The following FAM83D variants were observed in gnomAD, a reference collection of about 807,000 sequenced individuals.
The protein encoded by FAM83D is scaffolding CK1 anchoring protein D.
A neutral mutation model predicts 25.4 loss-of-function variants in FAM83D; 26 were observed. That is an observed-to-expected ratio of 1.02 (90% CI 0.75 to 1.42). The LOEUF (loss-of-function observed/expected upper bound fraction) is 1.42. Among genes scored for constraint, FAM83D ranks in the 40% most tolerant of loss-of-function variants. The pLI is 0.00. For missense variants in FAM83D, 740 were observed against 758.1 expected, an observed-to-expected ratio of 0.98 and a Z score of 0.28; for synonymous variants, 310 against 318.5, an observed-to-expected ratio of 0.97 and a Z score of 0.28.
At chr20:38,941,869 C>T (rs1168455505) in intron 1 of FAM83D, 90 bp from the exon 2 acceptor site, 5 of 1,287,048 alleles carry the variant, frequency 3.9e-6, no homozygotes, top group East Asian at 2.3e-5. Flanking sequence ...GATCATTTCC[C>T]AGTTCTGAGT....
intron 1 of FAM83D, among the ~76,000 whole-genome samples, chr20:38,930,041 A>G (rs1445745271): frequency 6.6e-6 from 1 of 152,138 alleles, no homozygotes; most frequent in Admixed American, 6.5e-5. Flanking sequence ...AGGTGGGGAG[A>G]GGTGACAGCA....
At position 38,942,085 on chromosome 20, in the gene FAM83D, G is replaced by C; in HGVS notation, c.610G>C (p.Asp204His). Reference sequence around the variant, plus strand: ...CCAGGCTCTCCTCTCTCAATTTCTGGATATGTGCATGGATCTGAAAGTTCA... The same window carrying C: ...CCAGGCTCTCCTCTCTCAATTTCTGCATATGTGCATGGATCTGAAAGTTCA... Reference protein sequence around the residue: ...LDQALLSQFLDMCMDLKVHPE... With the variant: ...LDQALLSQFLHMCMDLKVHPE... The change falls in exon 2 of 4, where the codon GAT (aspartate) becomes CAT (histidine). Residue 204 changes from aspartate (D) to histidine (H), a missense_variant. Transcript: ENST00000619850. 6.2e-7 allele frequency: 1 copy of C among 1,614,214 alleles called. No individual in the cohort carries two copies. Among genetic ancestry groups the C allele is most frequent in the Non-Finnish European group, 8.5e-7 (1 of 1,180,040 alleles).
chr20:38,926,523 G>C lies in FAM83D; in HGVS notation c.81G>C (p.Leu27=). The C allele has an allele frequency of 6.3e-7, 1 of 1,593,018 alleles. No homozygotes were observed. The highest frequency in any genetic ancestry group is 8.5e-7 in the Non-Finnish European group (1 of 1,176,368). ...GCGGGCCGCCCAACCCGACCGAGCT[G>C]TTCAGCGAGTCACGGCGCCTGGCTC... ...SPCGPPNPTE[L]FSESRRLALE... The change falls in exon 1 of 4, where the codon CTG becomes CTC. Residue 27 remains leucine (L), a synonymous_variant. Coordinates refer to ENST00000619850, the MANE Select transcript of FAM83D (RefSeq NM_030919.3).
intron 2 of FAM83D, among the ~76,000 whole-genome samples, chr20:38,944,844 A>C (rs62204119): frequency 0.15 from 22,788 of 151,564 alleles, 1,881 homozygotes; most frequent in African/African-American, 0.22. Flanking sequence ...GAGGCTGAGG[A>C]AGGAGAATCG....
chr20:38,942,513 A>G (rs1311906615), intron 2 of FAM83D, among the ~76,000 whole-genome samples: 1 of 152,256 alleles, frequency 6.6e-6, no homozygotes, highest in African/African-American at 2.4e-5. Context: ...TACAGCATGG[A>G]TGAACCTGCA....
Position 38,926,673 on chromosome 20 carries a change from G to T in FAM83D, c.231G>T (p.Glu77Asp). Residue 77 changes from glutamate to aspartate, a missense_variant, in exon 1 of 4, where the codon GAG becomes GAT. Coordinates refer to ENST00000619850, the MANE Select transcript of FAM83D (RefSeq NM_030919.3). ...TGCGCGCGGCGGAGAGGCCGGGAGA[G>T]GAGGGCGCGGCGGCGGCGGCGGCGG... ...AILRAAERPG[E>D]EGAAAAAAAE... The T allele has an allele frequency of 1.3e-6, 2 of 1,528,064 alleles. No individual in the cohort carries two copies. The highest frequency in any genetic ancestry group is 1.2e-5 in the South Asian group (1 of 83,502). The allele number at this position is 1,528,064 out of a possible 1,614,324, so 94.7% of individuals were successfully genotyped here.
At chr20:38,927,073 A>C in intron 1 of FAM83D, 148 bp downstream of exon 1, 2 of 1,325,788 alleles carry the variant, frequency 1.5e-6, no homozygotes, top group East Asian at 3.0e-5. Context: ...AGGGTCTCCG[A>C]CTCACACCCC....
chr20:38,952,125 G>A lies in FAM83D; in HGVS notation c.1363G>A (p.Gly455Arg). The change falls in exon 4 of 4, where the codon GGA becomes AGA. Residue 455 changes from glycine to arginine, a missense_variant. Transcript: ENST00000619850. ...GGATGAGAACATTCTCTTTCCTCGA[G>A]GAACTCAATCTACAGAAGGGTCACC... is the stretch of plus-strand genomic sequence containing the variant. ...DMDENILFPRGTQSTEGSPVS... is the reference protein window; with the variant it reads ...DMDENILFPRRTQSTEGSPVS... 1 of 1,614,178 alleles carries A rather than the reference G, an allele frequency of 6.2e-7. No individual in the cohort carries two copies. The highest frequency in any genetic ancestry group is 8.5e-7 in the Non-Finnish European group (1 of 1,180,046).
At chr20:38,933,590 T>C (rs2085666580) in intron 1 of FAM83D, among the ~76,000 whole-genome samples, 1 of 152,256 alleles carries the variant, frequency 6.6e-6, no homozygotes, top group Non-Finnish European at 1.5e-5. Flanking sequence ...ATTTCATGTG[T>C]CAGGTTAAGG....
At chr20:38,932,113 C>T (rs1368042673) in intron 1 of FAM83D, among the ~76,000 whole-genome samples, 4 of 152,232 alleles carry the variant, frequency 2.6e-5, no homozygotes, top group Admixed American at 6.5e-5. Flanking sequence ...TGGCCATGCG[C>T]GGTGGCTCAT....
In FAM83D at chr20:38,952,559, C is replaced by G. The variant is rs965114522; in HGVS notation, c.*39C>G. ...AGACTCCTGGTTTCTTCCAGGCTTA[C>G]AGTGGACATCATCAGCTTCCTGCTT... On this transcript the variant is annotated 3_prime_UTR_variant, in exon 4 of 4. Transcript: ENST00000619850. The G allele has an allele frequency of 3.8e-6, 6 of 1,569,426 alleles. No individual in the cohort carries two copies. The highest frequency in any genetic ancestry group is 5.2e-6 in the Non-Finnish European group (6 of 1,157,120).
At chr20:38,945,160 T>C (rs1228218318) in intron 2 of FAM83D, among the ~76,000 whole-genome samples, 1 of 152,094 alleles carries the variant, frequency 6.6e-6, no homozygotes, top group African/African-American at 2.4e-5. Context: ...TGGTCACACA[T>C]TGATGTGCAG....
intron 1 of FAM83D, among the ~76,000 whole-genome samples, chr20:38,934,578 A>G (rs1452536396): frequency 2.6e-5 from 4 of 152,120 alleles, no homozygotes; most frequent in African/African-American, 9.7e-5. Flanking sequence ...AATTTCAGTT[A>G]TATTTACCCA....
At chr20:38,929,126 G>T (rs184407639) in intron 1 of FAM83D, among the ~76,000 whole-genome samples, 1 of 149,782 alleles carries the variant, frequency 6.7e-6, no homozygotes, top group East Asian at 2.0e-4. Flanking sequence ...GTAGTGAGCT[G>T]AGATCACACC....
intron 2 of FAM83D, 116 bp downstream of exon 2, chr20:38,942,242 G>A: frequency 1.8e-6 from 2 of 1,127,898 alleles, no homozygotes; most frequent in Non-Finnish European, 2.6e-6. Context: ...CTGAGGCTGT[G>A]AGCAAAGTCA....
rs553520621 is a variant in FAM83D, at chr20:38,927,039, A to G, written c.483+114A>G. On this transcript the variant is annotated intron_variant, in intron 1 of 3. Transcript: ENST00000619850. ...ACTACCTCCTCTGCGCCCTACCGGAAGCGCGCGCGGGCTAGGTGGTCCCAG... is the reference window on the plus strand; with the variant it reads ...ACTACCTCCTCTGCGCCCTACCGGAGGCGCGCGCGGGCTAGGTGGTCCCAG... 81 of 1,377,486 alleles carry G rather than the reference A, an allele frequency of 5.9e-5. No individual in the cohort carries two copies. The South Asian group carries it at 1.3e-3, about 23-fold the overall frequency. 85.3% of individuals were successfully genotyped at this position (1,377,486 alleles called of 1,614,324 possible). A position where few individuals can be genotyped will look rare whatever the true frequency, so the allele number is the denominator to read the frequency against.
rs748094923 is a variant in FAM83D at position 38,926,461 on chromosome 20, G to T, written c.19G>T (p.Gly7Cys). MALLSE[G>C]LDEVPAACLS... The stretch of plus-strand genomic sequence containing the variant: ...CGCCGCCATGGCTCTGCTGTCCGAG[G>T]GCCTGGACGAGGTGCCCGCCGCCTG... The change falls in exon 1 of 4, where the codon GGC becomes TGC. Residue 7 changes from glycine to cysteine, a missense_variant. This residue lies in a region of FAM83D where 333 missense variants were observed against 298.6 expected (regional missense o/e 1.12). Coordinates refer to ENST00000619850, the MANE Select transcript of FAM83D (RefSeq NM_030919.3). 10 of 1,598,400 alleles carry T rather than the reference G, an allele frequency of 6.3e-6. No homozygotes were observed. Among genetic ancestry groups the T allele is most frequent in the Non-Finnish European group, 8.5e-6 (10 of 1,178,832 alleles).
In FAM83D at chr20:38,951,847, A is replaced by G. The variant is rs752741335; in HGVS notation, c.1085A>G (p.Asp362Gly). 3.7e-6 allele frequency: 6 copies of G among 1,614,214 alleles called. No homozygotes were observed. The South Asian group carries it at 5.5e-5, about 15-fold the overall frequency. ...GGCAAGGCAGAGCGCAAGCCCCATGACTGTGAGTCCTCTACTGTTAGTGAG... is the reference window on the plus strand; with the variant it reads ...GGCAAGGCAGAGCGCAAGCCCCATGGCTGTGAGTCCTCTACTGTTAGTGAG... Reference protein sequence around the residue: ...AEGKAERKPHDCESSTVSEED... With the variant: ...AEGKAERKPHGCESSTVSEED... The change falls in exon 4 of 4, where the codon GAC becomes GGC. Residue 362 changes from aspartate to glycine, a missense_variant. This residue lies in a region of FAM83D where 375 missense variants were observed against 403.2 expected (regional missense o/e 0.93). Transcript: ENST00000619850.
intron 1 of FAM83D, among the ~76,000 whole-genome samples, chr20:38,938,177 A>G (rs2085686552): frequency 6.6e-6 from 1 of 152,266 alleles, no homozygotes; most frequent in African/African-American, 2.4e-5. Context: ...TACTCACCAT[A>G]TAACAAAGGT....
Sources: gnomAD v4.1 joint callset for allele counts (sites outside exome capture counted in the v4.1 genomes callset) on GRCh38, gnomAD v4.1.1 for gene constraint, gnomAD v4.1.1 regional missense constraint, MANE v1.5 for transcripts, NCBI Gene and HGNC (gene_info 2026-07-23, HGNC 2026-07-21) for gene names.